CDK14: variants seen among roughly 807,000 people sequenced by gnomAD.
CDK14 encodes cyclin dependent kinase 14, also known as cyclin-dependent kinase 14.
In CDK14, 34 loss-of-function variants were observed where a neutral mutation model predicts 60.7. The ratio of observed to expected loss-of-function variants is 0.56; its 90% CI spans 0.43 to 0.75. The LOEUF is 0.75. Ranked by LOEUF, CDK14 falls within the 30% of genes least tolerant of loss-of-function variation. The pLI, the probability that CDK14 is intolerant of heterozygous loss-of-function variation, is 0.00. For missense variants in CDK14, 482 were observed against 564.1 expected (o/e 0.85, Z 1.47); for synonymous variants, 197 against 203.7 (o/e 0.97, Z 0.28).
chr7:91,110,095 A>C (rs1330311617), intron 12 of CDK14, among the ~76,000 whole-genome samples: 5 of 152,160 alleles, frequency 3.3e-5, no homozygotes, highest in Non-Finnish European at 5.9e-5. Flanking sequence ...TTAAGATATC[A>C]TACATGGATT....
chr7:90,848,740 T>C (rs1036946243), intron 5 of CDK14, among the ~76,000 whole-genome samples: 5 of 152,148 alleles, frequency 3.3e-5, no homozygotes, highest in African/African-American at 1.2e-4. Context: ...CAGTGTCTGA[T>C]TAAATCTGCC....
intron 6 of CDK14, among the ~76,000 whole-genome samples, chr7:90,870,157 A>G (rs755817543): frequency 3.3e-5 from 5 of 152,196 alleles, no homozygotes; most frequent in African/African-American, 4.8e-5. Flanking sequence ...GTGGAATACT[A>G]TGCAGTCATA....
At chr7:91,179,911 G>A (rs1188994762) in intron 14 of CDK14, among the ~76,000 whole-genome samples, 1 of 151,992 alleles carries the variant, frequency 6.6e-6, no homozygotes, top group Admixed American at 6.6e-5. Flanking sequence ...ATTCAATCCA[G>A]AAGAAAATCT....
intron 14 of CDK14, among the ~76,000 whole-genome samples, chr7:91,187,770 T>C (rs896534711): frequency 1.1e-4 from 16 of 152,194 alleles, no homozygotes; most frequent in African/African-American, 3.6e-4. Flanking sequence ...CTGATATATG[T>C]AGGGTCCACA....
At chr7:91,110,992 C>A (rs769881097) in intron 12 of CDK14, among the ~76,000 whole-genome samples, 18 of 152,100 alleles carry the variant, frequency 1.2e-4, no homozygotes, top group Non-Finnish European at 1.9e-4. Flanking sequence ...GGGGAAAAAA[C>A]TGTGAAGAAT....
chr7:90,599,313 A>G (rs1221572789), intron 1 of CDK14, among the ~76,000 whole-genome samples: 1 of 152,236 alleles, frequency 6.6e-6, no homozygotes, highest in Non-Finnish European at 1.5e-5. Context: ...GACATAACTG[A>G]TCTTATAGAT....
At chr7:91,155,758 T>C (rs928317737) in intron 14 of CDK14, among the ~76,000 whole-genome samples, 11 of 152,222 alleles carry the variant, frequency 7.2e-5, no homozygotes, top group African/African-American at 2.7e-4. Context: ...TGAAGTATAG[T>C]AGAATGACCC....
chr7:90,709,960 A>G, intron 2 of CDK14: 1 of 1,076,140 alleles, frequency 9.3e-7, no homozygotes. Context: ...GCAAAACGGT[A>G]AGACAGAGCA....
chr7:90,767,021 A>C (rs1029964827), intron 4 of CDK14, among the ~76,000 whole-genome samples: 2 of 152,062 alleles, frequency 1.3e-5, no homozygotes, highest in African/African-American at 4.8e-5. Context: ...CCCTCTGTCC[A>C]TCTGCAAGAT....
At chr7:90,960,074 T>C (rs1169571568) in intron 9 of CDK14, among the ~76,000 whole-genome samples, 1 of 152,162 alleles carries the variant, frequency 6.6e-6, no homozygotes, top group African/African-American at 2.4e-5. Context: ...GCAGCTTATC[T>C]ATGTAGTTCT....
At chr7:90,791,862 T>G (rs993125024) in intron 5 of CDK14, among the ~76,000 whole-genome samples, 3 of 151,914 alleles carry the variant, frequency 2.0e-5, no homozygotes, top group African/African-American at 7.3e-5. Context: ...AGGCTGACCT[T>G]TTCTCTGAGT....
chr7:90,840,072 A>T lies in CDK14; in HGVS notation c.545-23103A>T, dbSNP rs538318201. On this transcript the variant is annotated intron_variant, in intron 5 of 14. Transcript: ENST00000380050. Reference sequence around the variant, plus strand: ...CTGGAAATTACTTGCTTCAGATGACAGGCTACATCTATTTTCCTTCTAAGA... The same window carrying T: ...CTGGAAATTACTTGCTTCAGATGACTGGCTACATCTATTTTCCTTCTAAGA... Among the ~76,000 whole-genome samples, 6 of 152,350 alleles carry T rather than the reference A, an allele frequency of 3.9e-5. No individual in the cohort carries two copies. The East Asian group carries it at 1.2e-3, about 29-fold the overall frequency.
intron 9 of CDK14, among the ~76,000 whole-genome samples, chr7:90,983,681 A>C (rs529715686): frequency 8.4e-5 from 9 of 107,502 alleles, no homozygotes; most frequent in Non-Finnish European, 1.2e-4. Context: ...CTCCATCTCA[A>C]AAAAAAAAAA....
At chr7:90,978,889 A>G (rs1470077645) in intron 9 of CDK14, among the ~76,000 whole-genome samples, 1 of 152,204 alleles carries the variant, frequency 6.6e-6, no homozygotes, top group Non-Finnish European at 1.5e-5. Context: ...TTTACAAATA[A>G]TCATGATATA....
At chr7:90,637,768 C>G (rs1444430789) in intron 2 of CDK14, among the ~76,000 whole-genome samples, 2 of 96,956 alleles carry the variant, frequency 2.1e-5, no homozygotes, top group African/African-American at 9.1e-5. Flanking sequence ...GTGTGGGAGT[C>G]TAAGTCTCTT....
At chr7:90,922,915 C>T (rs1230509027) in intron 8 of CDK14, among the ~76,000 whole-genome samples, 3 of 151,896 alleles carry the variant, frequency 2.0e-5, no homozygotes, top group Admixed American at 2.0e-4. Flanking sequence ...TCCTATATAC[C>T]CGCTTCCCAT....
intron 2 of CDK14, among the ~76,000 whole-genome samples, chr7:90,607,026 C>T (rs963170094): frequency 1.3e-5 from 2 of 152,022 alleles, no homozygotes; most frequent in Non-Finnish European, 2.9e-5. Flanking sequence ...AATGTACTGA[C>T]CTTGTAGTAA....
At chr7:90,802,599 C>G (rs1003838910) in intron 5 of CDK14, among the ~76,000 whole-genome samples, 4 of 152,136 alleles carry the variant, frequency 2.6e-5, no homozygotes, top group Non-Finnish European at 5.9e-5. Context: ...TCATTCTCAT[C>G]TAAGTGTATG....
chr7:91,130,448 T>C (rs932759017), intron 14 of CDK14, among the ~76,000 whole-genome samples: 1 of 152,166 alleles, frequency 6.6e-6, no homozygotes, highest in Non-Finnish European at 1.5e-5. Context: ...TCCTTTTAAC[T>C]TTTAAGAGTC....
Sources: allele counts gnomAD v4.1 joint callset (sites outside exome capture counted in the v4.1 genomes callset), GRCh38; gene constraint gnomAD v4.1.1; transcripts MANE v1.5; gene names NCBI Gene and HGNC (gene_info 2026-07-23, HGNC 2026-07-21).